The following BTBD1 variants were observed in gnomAD, a reference collection of about 807,000 sequenced individuals.
The protein encoded by BTBD1 is BTB domain containing 1.
A neutral mutation model predicts 48.0 loss-of-function variants in BTBD1; 34 were observed. The ratio of observed to expected loss-of-function variants is 0.71; its 90% CI spans 0.54 to 0.94. The LOEUF (loss-of-function observed/expected upper bound fraction) is 0.94, where lower values mean the gene tolerates loss of function less well. Among genes scored for constraint, BTBD1 ranks in the 40% least tolerant of loss-of-function variants. The probability of loss-of-function intolerance (pLI) is 0.00; values close to 1 mark genes in which losing one functional copy is unlikely to be tolerated. For synonymous variants in BTBD1, 261 were observed against 242.1 expected (o/e 1.08, Z -0.72); for missense variants, 543 against 625.6 (o/e 0.87, Z 1.41).
intron 1 of BTBD1, chr15:83,061,879 G>A (rs2033182008): frequency 1.3e-5 from 2 of 152,220 alleles, no homozygotes; most frequent in African/African-American, 4.8e-5. Flanking sequence ...CACAGCAACA[G>A]ATAACCAAAA....
intron 2 of BTBD1, among the ~76,000 whole-genome samples, chr15:83,054,902 G>C (rs1027547884): frequency 5.3e-5 from 8 of 152,036 alleles, no homozygotes; most frequent in African/African-American, 1.9e-4. Flanking sequence ...CACTGAACTG[G>C]AAAACAAGAG....
intron 5 of BTBD1, among the ~76,000 whole-genome samples, chr15:83,021,416 C>T (rs1395401061): frequency 6.6e-6 from 1 of 152,080 alleles, no homozygotes; most frequent in African/African-American, 2.4e-5. Flanking sequence ...AATATTGACC[C>T]ATCTTACTCC....
At chr15:83,063,584 A>T (rs1462430145) in intron 1 of BTBD1, among the ~76,000 whole-genome samples, 2 of 152,244 alleles carry the variant, frequency 1.3e-5, no homozygotes, top group East Asian at 1.9e-4. Flanking sequence ...TTGTTTTTTT[A>T]AAATGTAAAT....
chr15:83,021,706 C>G (rs1389901297), intron 5 of BTBD1, among the ~76,000 whole-genome samples: 1 of 150,134 alleles, frequency 6.7e-6, no homozygotes, highest in Non-Finnish European at 1.5e-5. Context: ...GGTGACCCGG[C>G]ACTCCATCCT....
chr15:83,038,887 A>G (rs192047852), intron 4 of BTBD1, among the ~76,000 whole-genome samples: 186 of 152,314 alleles, frequency 1.2e-3, no homozygotes, highest in African/African-American at 4.3e-3. Flanking sequence ...TTAACTCAAG[A>G]TGGATTAAAG....
intron 5 of BTBD1, among the ~76,000 whole-genome samples, chr15:83,021,742 A>AAAT (rs57670003): frequency 0.039 from 5,668 of 145,376 alleles, 127 homozygotes; most frequent in Non-Finnish European, 0.043. Context: ...ACTCCTTCTC[A>AAAT]AATAATAATA....
At chr15:83,031,920 AG>A (rs1474848095) in intron 4 of BTBD1, among the ~76,000 whole-genome samples, 1 of 152,250 alleles carries the variant, frequency 6.6e-6, no homozygotes, top group Non-Finnish European at 1.5e-5. Context: ...AAATAAAAAA[AG>A]AAAAATAGAT....
At chr15:83,031,192 G>GT (rs1567104540) in intron 4 of BTBD1, among the ~76,000 whole-genome samples, 2 of 152,166 alleles carry the variant, frequency 1.3e-5, no homozygotes, top group Non-Finnish European at 2.9e-5. Context: ...AGCATCTGTT[G>GT]TTTTCTGACT....
intron 1 of BTBD1, 117 bp from the exon 2 acceptor site, chr15:83,056,662 T>TCCAC: frequency 1.2e-6 from 1 of 849,274 alleles, no homozygotes; most frequent in African/African-American, 1.8e-5. Context: ...TTTTCATCCA[T>TCCAC]CCATCCACCC....
intron 1 of BTBD1, chr15:83,061,992 T>G (rs2033183600): frequency 6.6e-6 from 1 of 152,162 alleles, no homozygotes; most frequent in Non-Finnish European, 1.5e-5. Context: ...AGAGTAGTAA[T>G]TAAGTGTGGA....
intron 5 of BTBD1, among the ~76,000 whole-genome samples, chr15:83,029,303 T>C (rs2032471295): frequency 6.6e-6 from 1 of 152,214 alleles, no homozygotes; most frequent in Non-Finnish European, 1.5e-5. Flanking sequence ...CCGGCACTGA[T>C]TCTATTTTGA....
intron 1 of BTBD1, among the ~76,000 whole-genome samples, chr15:83,058,105 A>C (rs1447029323): frequency 6.6e-6 from 1 of 152,218 alleles, no homozygotes; most frequent in African/African-American, 2.4e-5. Flanking sequence ...CACAGGCTTT[A>C]AATTAATTTC....
At chr15:83,065,325 GA>G (rs1186234977) in intron 1 of BTBD1, among the ~76,000 whole-genome samples, 1 of 152,128 alleles carries the variant, frequency 6.6e-6, no homozygotes, top group Non-Finnish European at 1.5e-5. Flanking sequence ...TTAATGGAAG[GA>G]AAAAATACCA....
At chr15:83,035,676 T>C (rs955286590) in intron 4 of BTBD1, among the ~76,000 whole-genome samples, 2 of 151,060 alleles carry the variant, frequency 1.3e-5, no homozygotes, top group African/African-American at 4.9e-5. Flanking sequence ...ATAAAATAAA[T>C]AACCCCAGCA....
chr15:83,043,116 C>T (rs2032800165), intron 3 of BTBD1, among the ~76,000 whole-genome samples: 1 of 152,076 alleles, frequency 6.6e-6, no homozygotes. Context: ...TGTACTCCAG[C>T]CCAGGCAACA....
At chr15:83,041,151 C>CAAAAAAAAAAAAA (rs1421565416) in intron 4 of BTBD1, among the ~76,000 whole-genome samples, 2 of 69,240 alleles carry the variant, frequency 2.9e-5, no homozygotes, top group African/African-American at 1.5e-4. Context: ...GACTCTGTCT[C>CAAAAAAAAAAAAA]AAAAAAAGAA....
intron 3 of BTBD1, among the ~76,000 whole-genome samples, chr15:83,043,724 T>C (rs374080761): frequency 2.0e-5 from 3 of 152,276 alleles, no homozygotes; most frequent in Admixed American, 2.0e-4. Flanking sequence ...GCAAGGTTTA[T>C]ATAGCTTATG....
intron 1 of BTBD1, among the ~76,000 whole-genome samples, chr15:83,060,319 A>C (rs937416863): frequency 2.4e-4 from 36 of 152,070 alleles, no homozygotes; most frequent in African/African-American, 8.4e-4. Context: ...AAATGTAAAG[A>C]TTAAACATGA....
chr15:83,065,405 T>C (rs35336679), intron 1 of BTBD1, among the ~76,000 whole-genome samples: 6 of 152,270 alleles, frequency 3.9e-5, no homozygotes, highest in African/African-American at 1.4e-4. Flanking sequence ...GTATTTTTTC[T>C]TTCTCTAAGT....
Sources: allele counts gnomAD v4.1 joint callset (sites outside exome capture counted in the v4.1 genomes callset), GRCh38; gene constraint gnomAD v4.1.1; transcripts MANE v1.5; gene names NCBI Gene and HGNC (gene_info 2026-07-23, HGNC 2026-07-21).